SYCP1: variants seen among roughly 807,000 people sequenced by gnomAD.
SYCP1 encodes synaptonemal complex protein 1, also known as cancer/testis antigen 8.
In SYCP1, 64 loss-of-function variants were observed where a neutral mutation model predicts 153.1. That is an observed-to-expected ratio of 0.42 (90% CI 0.34 to 0.51). SYCP1 has a LOEUF of 0.51. Among genes scored for constraint, SYCP1 ranks in the 20% least tolerant of loss-of-function variants. SYCP1 has a pLI of 0.06. For synonymous variants in SYCP1, 384 were observed against 341.8 expected, an observed-to-expected ratio of 1.12 and a Z score of -1.36; for missense variants, 997 against 1,049.0, an observed-to-expected ratio of 0.95 and a Z score of 0.68.
chr1:114,877,915 A>G (rs1480948876), intron 11 of SYCP1, among the ~76,000 whole-genome samples, 179 bp from the exon 12 acceptor site: 1 of 152,138 alleles, frequency 6.6e-6, no homozygotes, highest in Non-Finnish European at 1.5e-5. Flanking sequence ...TCTTACAAAG[A>G]TAATAGGGCC....
intron 27 of SYCP1, among the ~76,000 whole-genome samples, chr1:114,964,524 C>A (rs542674843): frequency 6.6e-6 from 1 of 152,026 alleles, no homozygotes; most frequent in East Asian, 1.9e-4. Flanking sequence ...AAGTTTAAGT[C>A]TTTAATCCAT....
At chr1:114,929,684 A>C (rs564313683) in intron 23 of SYCP1, among the ~76,000 whole-genome samples, 60 of 152,110 alleles carry the variant, frequency 3.9e-4, no homozygotes, top group Non-Finnish European at 7.2e-4. Context: ...AATTAGGTAT[A>C]TCTTTGCACC....
chr1:114,985,680 A>G (rs561628757), intron 30 of SYCP1, among the ~76,000 whole-genome samples: 1 of 151,962 alleles, frequency 6.6e-6, no homozygotes, highest in South Asian at 2.1e-4. Context: ...TAAAACCCTA[A>G]ATATTGAAGT....
intron 16 of SYCP1, among the ~76,000 whole-genome samples, chr1:114,898,908 C>T (rs1266699601): frequency 1.3e-5 from 2 of 152,188 alleles, no homozygotes; most frequent in African/African-American, 2.4e-5. Flanking sequence ...CTTCTAAGGT[C>T]CCAAGATATA....
intron 8 of SYCP1, among the ~76,000 whole-genome samples, chr1:114,867,965 A>T (rs1664875327): frequency 1.3e-5 from 2 of 151,880 alleles, no homozygotes; most frequent in South Asian, 4.1e-4. Context: ...TTTTATCATG[A>T]GTGGGTGTTG....
intron 9 of SYCP1, among the ~76,000 whole-genome samples, chr1:114,875,261 CTTTTTTTTTTT>C (rs561059800): frequency 8.9e-6 from 1 of 112,024 alleles, no homozygotes; most frequent in African/African-American, 3.4e-5. Context: ...ACTTTGTCTT[CTTTTTTTTTTT>C]TTTTTTTTGA....
chr1:114,906,283 G>GTT (rs1361710160), intron 16 of SYCP1, among the ~76,000 whole-genome samples: 1 of 151,548 alleles, frequency 6.6e-6, no homozygotes, highest in Non-Finnish European at 1.5e-5. Flanking sequence ...TTATTAGTCT[G>GTT]GTAGAGGTTT....
At chr1:114,857,945 C>T (rs1329007227) in intron 5 of SYCP1, among the ~76,000 whole-genome samples, 3 of 151,932 alleles carry the variant, frequency 2.0e-5, no homozygotes, top group Non-Finnish European at 2.9e-5. Flanking sequence ...ATGTTTGTTG[C>T]TGTGATTATG....
chr1:114,907,561 A>T (rs914617050), intron 16 of SYCP1, among the ~76,000 whole-genome samples: 3 of 149,072 alleles, frequency 2.0e-5, no homozygotes, highest in Non-Finnish European at 3.0e-5. Context: ...ATATTGTACC[A>T]CTTCATGTTA....
At chr1:114,907,389 T>C (rs1357632169) in intron 16 of SYCP1, among the ~76,000 whole-genome samples, 1 of 152,172 alleles carries the variant, frequency 6.6e-6, no homozygotes. Context: ...CTTTGTTTTG[T>C]TCCTCTTTTA....
At chr1:114,983,583 G>A (rs1286860107) in intron 29 of SYCP1, among the ~76,000 whole-genome samples, 1 of 151,922 alleles carries the variant, frequency 6.6e-6, no homozygotes, top group Non-Finnish European at 1.5e-5. Context: ...GTTCTGTTCT[G>A]TCTGGTGGTT....
At chr1:114,927,694 A>C (rs1669346924) in intron 23 of SYCP1, among the ~76,000 whole-genome samples, 1 of 151,992 alleles carries the variant, frequency 6.6e-6, no homozygotes, top group Admixed American at 6.6e-5. Flanking sequence ...TTACCCAGTC[A>C]GAAGTACACA....
intron 30 of SYCP1, among the ~76,000 whole-genome samples, chr1:114,992,843 A>T (rs1674018283): frequency 6.6e-6 from 1 of 151,602 alleles, no homozygotes; most frequent in African/African-American, 2.4e-5. Flanking sequence ...AAGTGAAAAG[A>T]CAAGGTAAAT....
chr1:114,926,605 T>A, intron 23 of SYCP1, 42 bp downstream of exon 23: 1 of 1,466,928 alleles, frequency 6.8e-7, no homozygotes, highest in South Asian at 1.3e-5. Context: ...TACTAATAGA[T>A]AGATGAGAAT....
At chr1:114,974,452 T>A (rs1194732813) in intron 27 of SYCP1, among the ~76,000 whole-genome samples, 1 of 151,894 alleles carries the variant, frequency 6.6e-6, no homozygotes, top group East Asian at 1.9e-4. Context: ...CTCTAGTAGT[T>A]TTCCATCTTG....
At chr1:114,861,799 C>CTTTTTTTT (rs1334859101) in intron 8 of SYCP1, among the ~76,000 whole-genome samples, 7 of 129,906 alleles carry the variant, frequency 5.4e-5, no homozygotes, top group African/African-American at 5.7e-5. Context: ...TTTTTTTATT[C>CTTTTTTTT]TTTTTTTTTT....
At chr1:114,860,441 C>T (rs1330708845) in intron 7 of SYCP1, among the ~76,000 whole-genome samples, 2 of 152,058 alleles carry the variant, frequency 1.3e-5, no homozygotes, top group Non-Finnish European at 2.9e-5. Flanking sequence ...TTATTGATAG[C>T]AACTTGGGTA....
At chr1:114,908,317 A>C (rs1667951984) in intron 16 of SYCP1, among the ~76,000 whole-genome samples, 1 of 151,872 alleles carries the variant, frequency 6.6e-6, no homozygotes. Context: ...TTTTCTCCCT[A>C]ACTTTGATTT....
rs1393430110 is a variant in SYCP1 at position 114,995,070 on chromosome 1, T to C, written c.*51T>C. 5.4e-6 allele frequency: 8 copies of C among 1,483,830 alleles called. No homozygotes were observed. The highest frequency in any genetic ancestry group is 7.2e-6 in the Non-Finnish European group (8 of 1,116,724). The allele number at this position is 1,483,830 out of a possible 1,614,324, so 91.9% of individuals were successfully genotyped here. A position where few individuals can be genotyped will look rare whatever the true frequency, so the allele number is the denominator to read the frequency against. ...AGCCTAATAACGTGAAACTTATAGT[T>C]AATATTTTGTTCTTATTTGCCAGAG... On this transcript the variant is annotated 3_prime_UTR_variant, in exon 32 of 32. Transcript: ENST00000369522.
Sources: gnomAD v4.1 joint callset for allele counts (sites outside exome capture counted in the v4.1 genomes callset) on GRCh38, gnomAD v4.1.1 for gene constraint, MANE v1.5 for transcripts, NCBI Gene and HGNC (gene_info 2026-07-23, HGNC 2026-07-21) for gene names.